SVOPL: variants seen among roughly 807,000 people sequenced by gnomAD.
SVOPL encodes the protein SVOP like, also known as putative transporter SVOPL.
SVOPL carries 60 observed loss-of-function variants against 61.0 expected under a neutral mutation model. The observed-to-expected ratio is 0.98, with a 90% confidence interval of 0.80 to 1.22. The LOEUF (loss-of-function observed/expected upper bound fraction) is 1.22. Ranked by LOEUF, SVOPL falls within the 50% of genes most tolerant of loss-of-function variation. The probability of loss-of-function intolerance (pLI) is 0.00; values close to 1 mark genes in which losing one functional copy is unlikely to be tolerated. For missense variants in SVOPL, 662 were observed against 643.9 expected, an observed-to-expected ratio of 1.03 and a Z score of -0.30; for synonymous variants, 279 against 250.0, an observed-to-expected ratio of 1.12 and a Z score of -1.09.
chr7:138,621,862 C>CTATG lies in SVOPL; in HGVS notation c.1264-728_1264-727insCATA, dbSNP rs1563095564. On this transcript the variant is annotated intron_variant, in intron 13 of 15. Coordinates refer to ENST00000674285, the MANE Select transcript of SVOPL (RefSeq NM_001139456.2). The stretch of plus-strand genomic sequence containing the variant: ...TCTATCTATGTATCTATCTATCTAT[C>CTATG]TATCTATCTATCTATCTATCTATCT... Among the ~76,000 whole-genome samples, 156 of 41,178 alleles carry CTATG rather than the reference C, an allele frequency of 3.8e-3. 3 individuals are homozygous for CTATG. The highest frequency in any genetic ancestry group is 0.01 in the African/African-American group (145 of 14,258). The allele number at this position is 41,178 out of a possible 152,430, so 27.0% of individuals were successfully genotyped here.
chr7:138,671,983 G>GT, intron 4 of SVOPL, 36 bp downstream of exon 4: 1 of 1,541,094 alleles, frequency 6.5e-7, no homozygotes, highest in Non-Finnish European at 8.8e-7. Flanking sequence ...TACGCCCTCA[G>GT]TTGCTGTGTT....
At chr7:138,681,678 C>A (rs965636466) in intron 1 of SVOPL, among the ~76,000 whole-genome samples, 19 of 152,164 alleles carry the variant, frequency 1.2e-4, no homozygotes, top group East Asian at 5.8e-4. Flanking sequence ...GGAAAATTAG[C>A]CAGGCGTGGT....
chr7:138,662,434 G>T, intron 5 of SVOPL: 8 of 985,402 alleles, frequency 8.1e-6, no homozygotes, highest in Non-Finnish European at 9.6e-6. Context: ...ACCTACTTGG[G>T]TGCTCTGGGG....
At chr7:138,658,524 G>A (rs1440886173) in intron 6 of SVOPL, among the ~76,000 whole-genome samples, 1 of 152,112 alleles carries the variant, frequency 6.6e-6, no homozygotes, top group African/African-American at 2.4e-5. Context: ...GAAGGGATTT[G>A]CCTCAGTTTC....
At chr7:138,600,194 A>G (rs1798455041) in intron 14 of SVOPL, among the ~76,000 whole-genome samples, 1 of 152,252 alleles carries the variant, frequency 6.6e-6, no homozygotes, top group Admixed American at 6.5e-5. Context: ...AAAATTTAAT[A>G]AAATATGACG....
chr7:138,622,026 C>CTATCTATG (rs1563095978), intron 13 of SVOPL, among the ~76,000 whole-genome samples: 53 of 76,060 alleles, frequency 7.0e-4, no homozygotes, highest in Non-Finnish European at 1.2e-3. Flanking sequence ...ATGTATCTAT[C>CTATCTATG]TATCTATCTA....
intron 8 of SVOPL, among the ~76,000 whole-genome samples, chr7:138,646,963 C>T (rs1024965074): frequency 6.6e-6 from 1 of 152,210 alleles, no homozygotes; most frequent in Non-Finnish European, 1.5e-5. Flanking sequence ...CACTGGCCAA[C>T]TGGGCTTGTC....
intron 3 of SVOPL, among the ~76,000 whole-genome samples, chr7:138,674,946 A>G (rs1030250233): frequency 2.0e-5 from 3 of 152,064 alleles, no homozygotes; most frequent in African/African-American, 7.2e-5. Flanking sequence ...TAATAGTAAA[A>G]CTTCACCTAG....
chr7:138,693,826 A>G (rs1055089041), intron 1 of SVOPL, among the ~76,000 whole-genome samples: 1 of 152,018 alleles, frequency 6.6e-6, no homozygotes, highest in Non-Finnish European at 1.5e-5. Flanking sequence ...TCAACAAAAA[A>G]ATTTATAAAT....
chr7:138,653,176 AG>A (rs975455964), intron 7 of SVOPL, among the ~76,000 whole-genome samples: 9 of 152,184 alleles, frequency 5.9e-5, no homozygotes, highest in African/African-American at 2.2e-4. Context: ...GTGAGGTTTA[AG>A]GGAAGACGCT....
At chr7:138,634,412 G>A (rs932296907) in intron 9 of SVOPL, among the ~76,000 whole-genome samples, 1 of 151,836 alleles carries the variant, frequency 6.6e-6, no homozygotes, top group African/African-American at 2.4e-5. Flanking sequence ...GGAGGCCAAG[G>A]TGGAAGGATC....
intron 14 of SVOPL, among the ~76,000 whole-genome samples, chr7:138,609,709 GT>G (rs146190653): frequency 0.083 from 5,203 of 62,448 alleles, 142 homozygotes; most frequent in Middle Eastern, 0.21. Context: ...GCTCATTACT[GT>G]TTTTTTTTTG....
intron 1 of SVOPL, chr7:138,689,168 C>T: frequency 9.8e-7 from 1 of 1,017,150 alleles, no homozygotes; most frequent in Non-Finnish European, 1.6e-6. Flanking sequence ...TCCGATGTTA[C>T]AATGGTGGAG....
intron 4 of SVOPL, among the ~76,000 whole-genome samples, chr7:138,670,324 AG>A (rs1473245760): frequency 6.6e-5 from 10 of 152,220 alleles, no homozygotes; most frequent in African/African-American, 1.4e-4. Flanking sequence ...ATAGGCTTAA[AG>A]GATTACCAGC....
Position 138,594,548 on chromosome 7 carries a change from G to C in SVOPL, c.*62C>G. Reference sequence around the variant, plus strand: ...AAGTAAAACCAAGTTTTAAAAAAATGCACCGCAGTTCTGAAGATAGAATTC... The same window carrying C: ...AAGTAAAACCAAGTTTTAAAAAAATCCACCGCAGTTCTGAAGATAGAATTC... On this transcript the variant is annotated 3_prime_UTR_variant, in exon 16 of 16. Transcript: ENST00000674285. 6.6e-7 allele frequency: 1 copy of C among 1,513,584 alleles called. No homozygotes were observed. Among genetic ancestry groups the C allele is most frequent in the Non-Finnish European group, 9.0e-7 (1 of 1,116,524 alleles). 93.8% of individuals were successfully genotyped at this position (1,513,584 alleles called of 1,614,324 possible).
intron 4 of SVOPL, 117 bp downstream of exon 4, chr7:138,671,902 T>G: frequency 1.1e-6 from 1 of 878,388 alleles, no homozygotes; most frequent in Non-Finnish European, 1.8e-6. Flanking sequence ...CCCTTGAGTT[T>G]TGGAAGCCAA....
At chr7:138,678,638 G>A (rs529489258) in intron 2 of SVOPL, 113 bp from the exon 3 acceptor site, 3 of 1,030,978 alleles carry the variant, frequency 2.9e-6, no homozygotes, top group African/African-American at 1.6e-5. Context: ...AATACGGGGG[G>A]TCAGTGGTAG....
chr7:138,624,074 C>A (rs923174821), intron 13 of SVOPL, among the ~76,000 whole-genome samples: 8 of 152,288 alleles, frequency 5.3e-5, no homozygotes, highest in African/African-American at 1.9e-4. Context: ...CCTGCCGCGG[C>A]CTCCCAAAGT....
intron 14 of SVOPL, among the ~76,000 whole-genome samples, chr7:138,600,730 A>G (rs1385241504): frequency 6.6e-6 from 1 of 152,212 alleles, no homozygotes; most frequent in Non-Finnish European, 1.5e-5. Context: ...GAGGTATATG[A>G]AAATGTGCTC....
Sources: gnomAD v4.1 joint callset for allele counts (sites outside exome capture counted in the v4.1 genomes callset) on GRCh38, gnomAD v4.1.1 for gene constraint, MANE v1.5 for transcripts, NCBI Gene and HGNC (gene_info 2026-07-23, HGNC 2026-07-21) for gene names.